Variants in CD1B observed in about 807,000 individuals in gnomAD.
CD1B encodes the protein CD1b molecule, also known as T-cell surface glycoprotein CD1b.
In CD1B, 43 loss-of-function variants were observed where a neutral mutation model predicts 39.8. The observed-to-expected ratio is 1.08, with a 90% CI of 0.85 to 1.39. The LOEUF (loss-of-function observed/expected upper bound fraction) is 1.39, where lower values mean the gene tolerates loss of function less well. Ranked by LOEUF, CD1B falls within the 40% of genes most tolerant of loss-of-function variation. The pLI is 0.00. For missense variants in CD1B, 495 were observed against 403.8 expected, an observed-to-expected ratio of 1.23 and a Z score of -1.94; for synonymous variants, 192 against 152.5, an observed-to-expected ratio of 1.26 and a Z score of -1.91.
At chr1:158,297,899 G>A in the CD1B span, among the ~76,000 whole-genome samples, 1 of 150,342 alleles carries the variant, frequency 6.7e-6, no homozygotes, top group South Asian at 2.1e-4. Flanking sequence ...TCATGCCACT[G>A]CACTTCGGCC....
the CD1B span, chr1:158,290,276 G>A: frequency 1.6e-6 from 1 of 632,398 alleles, no homozygotes; most frequent in East Asian, 2.7e-5. Flanking sequence ...GATGGTGGCA[G>A]AGCATGGGCT....
chr1:158,311,861 G>A, the CD1B span, among the ~76,000 whole-genome samples: 2 of 152,104 alleles, frequency 1.3e-5, no homozygotes, highest in African/African-American at 4.8e-5. Flanking sequence ...CTATGTATCT[G>A]TTTTTATACC....
the CD1B span, among the ~76,000 whole-genome samples, chr1:158,322,196 T>C: frequency 9.2e-5 from 14 of 152,188 alleles, no homozygotes; most frequent in East Asian, 2.3e-3. Context: ...TTACATACCA[T>C]AATTACAATG....
the CD1B span, among the ~76,000 whole-genome samples, chr1:158,301,777 C>CTCA: frequency 1.3e-5 from 2 of 152,074 alleles, no homozygotes; most frequent in African/African-American, 4.8e-5. Flanking sequence ...GGTTGCTCTT[C>CTCA]TCATGGAGTA....
intron 4 of CD1B, 136 bp from the exon 5 acceptor site, chr1:158,329,150 C>T: frequency 2.2e-6 from 2 of 925,088 alleles, no homozygotes; most frequent in Non-Finnish European, 3.3e-6. Flanking sequence ...ACCATATATC[C>T]ATCCTTTGAT....
chr1:158,316,203 G>A, the CD1B span, among the ~76,000 whole-genome samples: 1 of 151,994 alleles, frequency 6.6e-6, no homozygotes. Flanking sequence ...GAAAGGCATT[G>A]GTAGCTTGAT....
chr1:158,317,558 T>G, the CD1B span, among the ~76,000 whole-genome samples: 2 of 152,214 alleles, frequency 1.3e-5, no homozygotes, highest in Non-Finnish European at 2.9e-5. Context: ...CTCTCTTTTT[T>G]TCTTTATTAG....
Position 158,331,480 on chromosome 1 carries a change from G to A in CD1B, c.-57C>T, listed in dbSNP as rs1652603818. The stretch of plus-strand genomic sequence containing the variant: ...AGCTGGTATTTGATCTCCAATTTCA[G>A]CAAAGCTTTTCCTCAGTACCCTGTA... On this transcript the variant is annotated 5_prime_UTR_variant, in exon 1 of 6. Transcript: ENST00000368168. 6.9e-7 allele frequency: 1 copy of A among 1,448,944 alleles called. No individual in the cohort carries two copies. The highest frequency in any genetic ancestry group is 1.2e-5 in the South Asian group (1 of 85,764). The allele number at this position is 1,448,944 out of a possible 1,614,324, so 89.8% of individuals were successfully genotyped here. A position where few individuals can be genotyped will look rare whatever the true frequency, so the allele number is the denominator to read the frequency against.
the CD1B span, chr1:158,292,748 C>T: frequency 1.2e-6 from 2 of 1,614,196 alleles, no homozygotes; most frequent in Non-Finnish European, 1.7e-6. Flanking sequence ...TGGTGATATT[C>T]TTCCTAATGC....
At chr1:158,293,613 C>A in the CD1B span, 31 of 1,596,838 alleles carry the variant, frequency 1.9e-5, no homozygotes, top group Admixed American at 3.5e-5. Context: ...TTAATAAAAA[C>A]CAAATTCTAA....
chr1:158,301,178 G>A, the CD1B span, among the ~76,000 whole-genome samples: 1 of 151,882 alleles, frequency 6.6e-6, no homozygotes, highest in Admixed American at 6.6e-5. Flanking sequence ...TTGAGCCTAT[G>A]TGTGTCTCTG....
intron 1 of CD1B, 24 bp downstream of exon 1, chr1:158,331,339 G>A: frequency 1.2e-6 from 2 of 1,608,188 alleles, no homozygotes; most frequent in Non-Finnish European, 1.7e-6. Context: ...CACCAGTGCT[G>A]GGAGCTGCCA....
At chr1:158,291,262 A>C in the CD1B span, 1 of 1,614,010 alleles carries the variant, frequency 6.2e-7, no homozygotes, top group African/African-American at 1.3e-5. Flanking sequence ...TGAATCAGGC[A>C]CAATAATTTT....
At chr1:158,320,201 T>C in the CD1B span, among the ~76,000 whole-genome samples, 2 of 152,250 alleles carry the variant, frequency 1.3e-5, no homozygotes, top group Admixed American at 1.3e-4. Context: ...TCGAGCTTCC[T>C]GGCTGCTTTG....
At chr1:158,326,623 A>G (rs1263671323), downstream of CD1B, among the ~76,000 whole-genome samples, 6 of 152,152 alleles carry the variant, frequency 3.9e-5, no homozygotes. Flanking sequence ...AATTTCGGCT[A>G]TATGTTAAAA....
chr1:158,298,845 C>A, the CD1B span, among the ~76,000 whole-genome samples: 3 of 151,986 alleles, frequency 2.0e-5, no homozygotes, highest in Admixed American at 2.0e-4. Flanking sequence ...GGAAAGCTTG[C>A]GATTTTTGCA....
At chr1:158,299,453 G>A in the CD1B span, among the ~76,000 whole-genome samples, 2 of 151,780 alleles carry the variant, frequency 1.3e-5, no homozygotes, top group South Asian at 2.1e-4. Context: ...AGTGTTCATC[G>A]GGGACATTGG....
Position 158,328,041 on chromosome 1 carries a change from T to C in CD1B, c.*195A>G, listed in dbSNP as rs1258272407. The C allele has an allele frequency of 1.8e-6, 1 of 562,272 alleles. No homozygotes were observed. Among genetic ancestry groups the C allele is most frequent in the Non-Finnish European group, 3.2e-6 (1 of 316,962 alleles). The allele number at this position is 562,272 out of a possible 1,614,324, so 34.8% of individuals were successfully genotyped here. A position where few individuals can be genotyped will look rare whatever the true frequency, so the allele number is the denominator to read the frequency against. ...AAATCAGGGTGAATCACACTGTTAG[T>C]ACAGTCTCATAATAAATTTACAGTT... is the stretch of plus-strand genomic sequence containing the variant. On this transcript the variant is annotated 3_prime_UTR_variant, in exon 6 of 6. Transcript: ENST00000368168.
the CD1B span, among the ~76,000 whole-genome samples, chr1:158,320,580 C>T: frequency 6.6e-6 from 1 of 152,116 alleles, no homozygotes; most frequent in Non-Finnish European, 1.5e-5. Flanking sequence ...GTGAGACGAA[C>T]CCGGTACCTC....
Sources: allele counts gnomAD v4.1 joint callset (sites outside exome capture counted in the v4.1 genomes callset), GRCh38; gene constraint gnomAD v4.1.1; transcripts MANE v1.5; gene names NCBI Gene and HGNC (gene_info 2026-07-23, HGNC 2026-07-21).